Variants in TUBGCP4 observed in about 807,000 individuals in gnomAD.
TUBGCP4 encodes tubulin gamma complex component 4.
TUBGCP4 carries 54 observed loss-of-function variants against 91.6 expected under a neutral mutation model. The observed-to-expected ratio is 0.59, with a 90% confidence interval of 0.47 to 0.74. TUBGCP4 has a LOEUF of 0.74. Ranked by LOEUF, TUBGCP4 falls within the 30% of genes least tolerant of loss-of-function variation. The pLI is 0.00. For synonymous variants in TUBGCP4, 297 were observed against 302.8 expected (o/e 0.98, Z 0.20); for missense variants, 593 against 800.9 (o/e 0.74, Z 3.13).
Position 43,407,435 on chromosome 15 carries a change from C to T in TUBGCP4, c.*2221C>T, listed in dbSNP as rs763713800. On this transcript the variant is annotated 3_prime_UTR_variant, in exon 18 of 18. Coordinates refer to ENST00000564079, the MANE Select transcript of TUBGCP4 (RefSeq NM_014444.5). ...TTTTGGATGCTGCTTGAATCCAATT[C>T]TCTCCCCAACAATGAGGCACTGGAT... 2.7e-5 allele frequency: 44 copies of T among 1,614,046 alleles called. No homozygotes were observed. The highest frequency in any genetic ancestry group is 1.6e-4 in the Middle Eastern group (1 of 6,084).
chr15:43,375,198 C>T (rs775955893), intron 1 of TUBGCP4, among the ~76,000 whole-genome samples: 14 of 152,302 alleles, frequency 9.2e-5, no homozygotes, highest in Non-Finnish European at 1.9e-4. Flanking sequence ...CAATTGTACC[C>T]GACCTGAGTG....
At chr15:43,404,114 A>G in intron 16 of TUBGCP4, 1 of 508,812 alleles carries the variant, frequency 2.0e-6, no homozygotes, top group East Asian at 3.2e-5. Flanking sequence ...CACTGAGATA[A>G]TTATCTGCTT....
chr15:43,392,729 G>A (rs1436308271), intron 9 of TUBGCP4, among the ~76,000 whole-genome samples: 1 of 152,048 alleles, frequency 6.6e-6, no homozygotes, highest in East Asian at 1.9e-4. Context: ...GAACTGCTGA[G>A]CTCAAGTGAT....
rs1380531116 is a variant in TUBGCP4 at position 43,408,164 on chromosome 15, G to A, written c.*2950G>A. 7.0e-6 allele frequency: 10 copies of A among 1,435,166 alleles called. No homozygotes were observed. Among genetic ancestry groups the A allele is most frequent in the South Asian group, 3.8e-5 (3 of 79,166 alleles). The allele number at this position is 1,435,166 out of a possible 1,614,324, so 88.9% of individuals were successfully genotyped here. A position where few individuals can be genotyped will look rare whatever the true frequency, so the allele number is the denominator to read the frequency against. On this transcript the variant is annotated 3_prime_UTR_variant, in exon 18 of 18. Transcript: ENST00000564079. ...ACTGCCTTTCTGCAAAGGGACTCAT[G>A]TACATCTGAATGCTTTCAAAAATAA...
At chr15:43,377,495 C>T in intron 4 of TUBGCP4, 1 of 300,602 alleles carries the variant, frequency 3.3e-6, no homozygotes, top group Non-Finnish European at 6.1e-6. Flanking sequence ...TGGTGGCGTG[C>T]ACCTGTAGTC....
intron 9 of TUBGCP4, chr15:43,391,383 T>A (rs1260313989): frequency 6.6e-6 from 1 of 152,248 alleles, no homozygotes; most frequent in Non-Finnish European, 1.5e-5. Context: ...AACTCTTTTG[T>A]AGAGACGGAG....
chr15:43,409,031 C>A lies in TUBGCP4; in HGVS notation c.*3817C>A. ...CACAAGGAATCCCACTGGCAAGGCA[C>A]AGGAAGTACTTCCGGGTTCGACAAT... On this transcript the variant is annotated 3_prime_UTR_variant, in exon 18 of 18. Transcript: ENST00000564079. 1.9e-6 allele frequency: 3 copies of A among 1,614,186 alleles called. No individual in the cohort carries two copies. Among genetic ancestry groups the A allele is most frequent in the Non-Finnish European group, 2.5e-6 (3 of 1,180,010 alleles).
At chr15:43,387,179 T>G (rs565037795) in intron 9 of TUBGCP4, among the ~76,000 whole-genome samples, 2 of 152,368 alleles carry the variant, frequency 1.3e-5, no homozygotes, top group African/African-American at 4.8e-5. Context: ...CAAGCTGACT[T>G]GTCTGGCTTG....
Position 43,407,308 on chromosome 15 carries a change from CAA to C in TUBGCP4, c.*2095_*2096del, listed in dbSNP as rs2044934225. On this transcript the variant is annotated 3_prime_UTR_variant, in exon 18 of 18. Transcript: ENST00000564079. ...TCCATGCAAGGAATCCAGTTACACA[CAA>C]GACACATTTAAAACCTGGTTAAAAC... 1 of 1,320,456 alleles carries C rather than the reference CAA, an allele frequency of 7.6e-7. No homozygotes were observed. The highest frequency in any genetic ancestry group is 1.4e-5 in the African/African-American group (1 of 69,110). 81.8% of individuals were successfully genotyped at this position (1,320,456 alleles called of 1,614,324 possible). A position where few individuals can be genotyped will look rare whatever the true frequency, so the allele number is the denominator to read the frequency against.
At chr15:43,403,622 A>G in intron 15 of TUBGCP4, 61 bp from the exon 16 acceptor site, 1 of 1,243,714 alleles carries the variant, frequency 8.0e-7, no homozygotes. Flanking sequence ...TTCTCCTAAC[A>G]CTTTAACTTC....
At chr15:43,403,899 T>G in intron 16 of TUBGCP4, 100 bp downstream of exon 16, 2 of 817,484 alleles carry the variant, frequency 2.4e-6, no homozygotes, top group East Asian at 4.9e-5. Flanking sequence ...AAGCATTTCC[T>G]CAATACACAC....
At chr15:43,399,285 G>T in intron 13 of TUBGCP4, 1 of 434,410 alleles carries the variant, frequency 2.3e-6, no homozygotes, top group Non-Finnish European at 3.6e-6. Flanking sequence ...GGCAGGAGCG[G>T]GAGTCTGTCT....
At position 43,407,568 on chromosome 15, in the gene TUBGCP4, T is replaced by C. The variant is rs1212512083; in HGVS notation, c.*2354T>C. The C allele has an allele frequency of 6.2e-7, 1 of 1,609,710 alleles. No individual in the cohort carries two copies. The highest frequency in any genetic ancestry group is 1.7e-5 in the Admixed American group (1 of 59,532). ...ACCACATCAAATACCCCTAAAGCAA[T>C]ATCTGCAAGGAGCAAGGGAAAGTGA... On this transcript the variant is annotated 3_prime_UTR_variant, in exon 18 of 18. Transcript: ENST00000564079.
chr15:43,386,282 G>C lies in TUBGCP4; in HGVS notation c.966G>C (p.Leu322Phe). ...HRLKQQPLFSLVDFEQVVDRI... is the reference protein window; with the variant it reads ...HRLKQQPLFSFVDFEQVVDRI... ...TCAAGCAGCAGCCACTCTTCAGCTT[G>C]GTGGACTTTGAACAGGTGGTGGATC... is the stretch of plus-strand genomic sequence containing the variant. The change falls in exon 9 of 18, where the codon TTG becomes TTC. Residue 322 changes from leucine (L) to phenylalanine (F), a missense_variant. Physicochemically the swap from Leu to Phe is conservative, Grantham distance 22. Coordinates refer to ENST00000564079, the MANE Select transcript of TUBGCP4 (RefSeq NM_014444.5). The C allele has an allele frequency of 6.3e-7, 1 of 1,585,780 alleles. No individual in the cohort carries two copies. Among genetic ancestry groups the C allele is most frequent in the Non-Finnish European group, 8.6e-7 (1 of 1,168,616 alleles).
rs761749914 is a variant in TUBGCP4, at chr15:43,380,147, C to A, written c.505C>A (p.Arg169=). The A allele has an allele frequency of 4.8e-5, 78 of 1,613,810 alleles. No homozygotes were observed. The highest frequency in any genetic ancestry group is 6.6e-5 in the Non-Finnish European group (78 of 1,179,890). The change falls in exon 6 of 18, where the codon CGA becomes AGA. Residue 169 remains arginine, a synonymous_variant. Transcript: ENST00000564079. ...CAGCTGTGGGGGGTTGCCTCCTGTTCGAAGTGCACTGGAAAAGTAAGTCAT... is the reference window on the plus strand; with the variant it reads ...CAGCTGTGGGGGGTTGCCTCCTGTTAGAAGTGCACTGGAAAAGTAAGTCAT... ...KHSCGGLPPV[R]SALEKILAVC... is the part of the protein sequence containing the mutation.
In TUBGCP4 at chr15:43,377,028, C is replaced by A; in HGVS notation, c.345C>A (p.Pro115=). The change falls in exon 4 of 18, where the codon CCC becomes CCA. Residue 115 remains proline (P), a synonymous_variant. Transcript: ENST00000564079. ...LDLEQEFLGD[P]HLSISHVNYF... is the part of the protein sequence containing the mutation. ...TTTTATTGCAGTTCCTGGGTGATCC[C>A]CATCTCTCCATATCACATGTCAACT... 5.0e-6 allele frequency: 8 copies of A among 1,613,876 alleles called. No homozygotes were observed. Among genetic ancestry groups the A allele is most frequent in the Non-Finnish European group, 6.8e-6 (8 of 1,179,788 alleles).
At chr15:43,399,021 C>T (rs145809696) in intron 13 of TUBGCP4, 1 of 564,468 alleles carries the variant, frequency 1.8e-6, no homozygotes, top group East Asian at 7.1e-5. Context: ...ATTGAAATTT[C>T]TCCAGTTATC....
chr15:43,392,415 A>G (rs895741629), intron 9 of TUBGCP4, among the ~76,000 whole-genome samples: 3 of 152,172 alleles, frequency 2.0e-5, no homozygotes, highest in Admixed American at 6.5e-5. Context: ...TGGAGAACAT[A>G]GTCTGAATTA....
intron 7 of TUBGCP4, among the ~76,000 whole-genome samples, chr15:43,384,883 A>G (rs576660581): frequency 1.3e-5 from 2 of 152,330 alleles, no homozygotes; most frequent in South Asian, 2.1e-4. Flanking sequence ...GGTGAAAATA[A>G]TAGTCCCCTA....
Sources: gnomAD v4.1 joint callset for allele counts (sites outside exome capture counted in the v4.1 genomes callset) on GRCh38, gnomAD v4.1.1 for gene constraint, MANE v1.5 for transcripts, NCBI Gene and HGNC (gene_info 2026-07-23, HGNC 2026-07-21) for gene names.